Variants in COG5 observed in about 807,000 individuals in gnomAD.
COG5 encodes component of oligomeric golgi complex 5, also known as conserved oligomeric Golgi complex subunit 5.
Under a neutral mutation model 110.4 loss-of-function variants are expected in COG5, and 86 were observed. The ratio of observed to expected loss-of-function variants is 0.78; its 90% CI spans 0.65 to 0.93. COG5 has a LOEUF of 0.93. Ranked by LOEUF, COG5 falls within the 40% of genes least tolerant of loss-of-function variation. The pLI is 0.00. For missense variants in COG5, 1,077 were observed against 987.0 expected, an observed-to-expected ratio of 1.09 and a Z score of -1.22; for synonymous variants, 360 against 334.6, an observed-to-expected ratio of 1.08 and a Z score of -0.83.
At chr7:107,440,597 A>G (rs987795016) in intron 6 of COG5, among the ~76,000 whole-genome samples, 3 of 152,154 alleles carry the variant, frequency 2.0e-5, no homozygotes, top group African/African-American at 7.2e-5. Flanking sequence ...TCAATGCATG[A>G]TTAGAGGATT....
intron 11 of COG5, among the ~76,000 whole-genome samples, chr7:107,298,898 C>A (rs7805115): frequency 0.05 from 7,562 of 152,148 alleles, 250 homozygotes; most frequent in Non-Finnish European, 0.074. Context: ...TGAAAAGAAT[C>A]CTCAAATATT....
intron 6 of COG5, among the ~76,000 whole-genome samples, chr7:107,491,489 G>A (rs533754242): frequency 4.6e-5 from 7 of 152,216 alleles, no homozygotes; most frequent in Admixed American, 1.3e-4. Context: ...CTTTTCCCAG[G>A]TGAAGGCTCG....
At chr7:107,432,818 G>T (rs1466329429) in intron 6 of COG5, among the ~76,000 whole-genome samples, 1 of 151,808 alleles carries the variant, frequency 6.6e-6, no homozygotes, top group Non-Finnish European at 1.5e-5. Flanking sequence ...CATAGTACTG[G>T]AAGTCCTAGC....
chr7:107,304,556 TA>T (rs1807546653), intron 11 of COG5, among the ~76,000 whole-genome samples: 1 of 152,220 alleles, frequency 6.6e-6, no homozygotes, highest in South Asian at 2.1e-4. Context: ...AGCCTTATCT[TA>T]ATCTTCTTAC....
chr7:107,297,337 A>G (rs1806837570), intron 12 of COG5, among the ~76,000 whole-genome samples: 1 of 151,872 alleles, frequency 6.6e-6, no homozygotes, highest in South Asian at 2.1e-4. Flanking sequence ...GATGATGTGC[A>G]TAGGTTATAT....
intron 14 of COG5, 65 bp from the exon 15 acceptor site, chr7:107,258,448 TCTCACA>T: frequency 1.1e-6 from 1 of 880,544 alleles, no homozygotes; most frequent in Non-Finnish European, 1.9e-6. Flanking sequence ...TCTCTCTCTC[TCTCACA>T]CACACACATA....
chr7:107,287,666 C>T (rs1052677382), intron 12 of COG5, among the ~76,000 whole-genome samples: 42 of 152,234 alleles, frequency 2.8e-4, no homozygotes, highest in African/African-American at 9.9e-4. Context: ...CAGGCCCAAT[C>T]GATCACTAAT....
chr7:107,458,151 T>A (rs1310332534), intron 6 of COG5, among the ~76,000 whole-genome samples: 1 of 152,006 alleles, frequency 6.6e-6, no homozygotes, highest in East Asian at 1.9e-4. Context: ...TGAGTGAAAG[T>A]CAAAAATGAA....
In COG5 at chr7:107,207,970, C is replaced by G. The variant is rs1388323880; in HGVS notation, c.2375+2556G>C. The G allele has an allele frequency of 7.1e-6, 7 of 985,258 alleles. No homozygotes were observed. The African/African-American group carries it at 1.0e-4, about 15-fold the overall frequency. 61.0% of individuals were successfully genotyped at this position (985,258 alleles called of 1,614,324 possible). Reference sequence around the variant, plus strand: ...AATGAGTATACAACAAGGTTTGCCCCAGAAGCTAAAACAAATTTACTGACA... The same window carrying G: ...AATGAGTATACAACAAGGTTTGCCCGAGAAGCTAAAACAAATTTACTGACA... On this transcript the variant is annotated intron_variant, in intron 21 of 21. Transcript: ENST00000297135.
Position 107,558,059 on chromosome 7 carries a change from A to T in COG5, c.151T>A (p.Ser51Thr). The change falls in exon 2 of 22, where the codon TCT becomes ACT. Residue 51 changes from serine (S) to threonine (T), a missense_variant. Ser to Thr is a moderately conservative substitution (Grantham distance 58, BLOSUM62 1). Coordinates refer to ENST00000297135, the MANE Select transcript of COG5 (RefSeq NM_006348.5). ...DFDVKTYTSQSIHQAVIAEQL... is the reference protein window; with the variant it reads ...DFDVKTYTSQTIHQAVIAEQL... Reference sequence around the variant, plus strand: ...TCAGCAATTACAGCTTGATGAATAGATTGAGAAGTATAAGTCTTTACATCA... The same window carrying T: ...TCAGCAATTACAGCTTGATGAATAGTTTGAGAAGTATAAGTCTTTACATCA... 7 of 1,613,970 alleles carry T rather than the reference A, an allele frequency of 4.3e-6. No homozygotes were observed. The highest frequency in any genetic ancestry group is 5.9e-6 in the Non-Finnish European group (7 of 1,179,918).
intron 12 of COG5, among the ~76,000 whole-genome samples, chr7:107,287,101 G>C (rs1456822586): frequency 6.6e-6 from 1 of 152,222 alleles, no homozygotes; most frequent in African/African-American, 2.4e-5. Context: ...TTTATTGGGG[G>C]AAGAGGAGGT....
intron 11 of COG5, among the ~76,000 whole-genome samples, chr7:107,304,956 A>G (rs1807580802): frequency 6.6e-6 from 1 of 152,248 alleles, no homozygotes; most frequent in African/African-American, 2.4e-5. Flanking sequence ...TCCTTTCCAT[A>G]TAGAGATTAT....
At chr7:107,315,777 G>A (rs1045969741) in intron 11 of COG5, among the ~76,000 whole-genome samples, 2 of 152,094 alleles carry the variant, frequency 1.3e-5, no homozygotes, top group African/African-American at 2.4e-5. Flanking sequence ...TTCAGGGACT[G>A]TATGTGCTAT....
At chr7:107,452,169 C>G (rs568717423) in intron 6 of COG5, among the ~76,000 whole-genome samples, 1 of 152,282 alleles carries the variant, frequency 6.6e-6, no homozygotes, top group Admixed American at 6.5e-5. Flanking sequence ...ACCATGAACT[C>G]TTGCCTGGCA....
intron 6 of COG5, among the ~76,000 whole-genome samples, chr7:107,435,597 G>C (rs1198744327): frequency 6.6e-6 from 1 of 152,042 alleles, no homozygotes; most frequent in East Asian, 1.9e-4. Flanking sequence ...GGGTTGCAGT[G>C]AGCCAAGATC....
At chr7:107,476,674 G>A (rs1407199316) in intron 6 of COG5, among the ~76,000 whole-genome samples, 2 of 151,636 alleles carry the variant, frequency 1.3e-5, no homozygotes, top group African/African-American at 2.4e-5. Context: ...ATCACTATCA[G>A]AAATTTAGCA....
intron 6 of COG5, among the ~76,000 whole-genome samples, chr7:107,491,652 C>T (rs1216600085): frequency 6.6e-6 from 1 of 152,058 alleles, no homozygotes; most frequent in Non-Finnish European, 1.5e-5. Flanking sequence ...GCAAACTACC[C>T]TCAACAAAGC....
intron 6 of COG5, among the ~76,000 whole-genome samples, chr7:107,512,758 C>A (rs1330225910): frequency 6.6e-6 from 1 of 152,156 alleles, no homozygotes; most frequent in Non-Finnish European, 1.5e-5. Flanking sequence ...CTACAACCAT[C>A]TGATCTTTGA....
At position 107,211,348 on chromosome 7, in the gene COG5, C is replaced by T. The variant is rs1799161067; in HGVS notation, c.2169-123G>A. 3.8e-6 allele frequency: 4 copies of T among 1,058,820 alleles called. No individual in the cohort carries two copies. In the East Asian group the frequency reaches 1.0e-4, roughly 27 times the overall value. The allele number at this position is 1,058,820 out of a possible 1,614,324, so 65.6% of individuals were successfully genotyped here. ...GATTGGCTACTGAAGGAGCCCTCCACTGCTTAACCACTCTATTCAGCCTTG... is the reference window on the plus strand; with the variant it reads ...GATTGGCTACTGAAGGAGCCCTCCATTGCTTAACCACTCTATTCAGCCTTG... On this transcript the variant is annotated intron_variant, in intron 19 of 21. Coordinates refer to ENST00000297135, the MANE Select transcript of COG5 (RefSeq NM_006348.5).
Sources: gnomAD v4.1 joint callset for allele counts (sites outside exome capture counted in the v4.1 genomes callset) on GRCh38, gnomAD v4.1.1 for gene constraint, MANE v1.5 for transcripts, NCBI Gene and HGNC (gene_info 2026-07-23, HGNC 2026-07-21) for gene names.